The following OR10J1 variants were observed in gnomAD, a reference collection of about 807,000 sequenced individuals.
OR10J1 encodes the protein olfactory receptor 10J1.
For synonymous variants in OR10J1, 202 were observed against 143.8 expected (o/e 1.40, Z -2.89); for missense variants, 474 against 376.6 (o/e 1.26, Z -2.14).
chr1:159,400,076 A>G, the OR10J1 span, among the ~76,000 whole-genome samples: 18 of 152,264 alleles, frequency 1.2e-4, no homozygotes, highest in Non-Finnish European at 2.4e-4. Context: ...AGAAAAAATC[A>G]TCTTTACTAA....
the OR10J1 span, among the ~76,000 whole-genome samples, chr1:159,401,416 G>A: frequency 6.6e-6 from 1 of 151,848 alleles, no homozygotes; most frequent in African/African-American, 2.4e-5. Flanking sequence ...TGAAGAAGGT[G>A]GCATTGCAAC....
chr1:159,434,859 G>T (rs1655690728), upstream of OR10J1, among the ~76,000 whole-genome samples: 1 of 152,072 alleles, frequency 6.6e-6, no homozygotes, highest in African/African-American at 2.4e-5. Context: ...TGCTCCCTGG[G>T]TCACTCTGAG....
chr1:159,409,953 A>G, the OR10J1 span, among the ~76,000 whole-genome samples: 1 of 152,104 alleles, frequency 6.6e-6, no homozygotes, highest in Non-Finnish European at 1.5e-5. Flanking sequence ...CTATTGAGAT[A>G]ATCATGTGGT....
the OR10J1 span, among the ~76,000 whole-genome samples, chr1:159,400,359 T>C: frequency 7.9e-5 from 12 of 151,240 alleles, no homozygotes; most frequent in African/African-American, 2.9e-4. Flanking sequence ...ACACATAGAA[T>C]GAAAATAAAG....
chr1:159,412,486 G>A, the OR10J1 span, among the ~76,000 whole-genome samples: 2 of 147,506 alleles, frequency 1.4e-5, no homozygotes, highest in African/African-American at 5.2e-5. Context: ...TACCAAAACA[G>A]AGATATAGAT....
the OR10J1 span, among the ~76,000 whole-genome samples, chr1:159,412,303 C>A: frequency 4.0e-5 from 6 of 149,792 alleles, no homozygotes; most frequent in African/African-American, 1.3e-4. Flanking sequence ...CATCAAGCTA[C>A]CAATGACTTT....
chr1:159,410,105 T>G, the OR10J1 span, among the ~76,000 whole-genome samples: 1 of 152,182 alleles, frequency 6.6e-6, no homozygotes, highest in East Asian at 1.9e-4. Context: ...TTTGCCGGTA[T>G]TTTATTGAGG....
chr1:159,403,885 G>C, the OR10J1 span, among the ~76,000 whole-genome samples: 2 of 152,070 alleles, frequency 1.3e-5, no homozygotes, highest in African/African-American at 4.8e-5. Flanking sequence ...TAGATGAATG[G>C]ATAAAGAAAA....
At chr1:159,408,450 C>T in the OR10J1 span, among the ~76,000 whole-genome samples, 3 of 126,588 alleles carry the variant, frequency 2.4e-5, no homozygotes, top group African/African-American at 9.1e-5. Flanking sequence ...GAACATCACA[C>T]TCTGGGGACT....
the OR10J1 span, among the ~76,000 whole-genome samples, chr1:159,398,244 C>A: frequency 6.6e-6 from 1 of 152,186 alleles, no homozygotes; most frequent in South Asian, 2.1e-4. Flanking sequence ...CACCCAAGTC[C>A]TTTCAAATAT....
upstream of OR10J1, chr1:159,437,904 T>C (rs1655784750): frequency 6.5e-6 from 1 of 152,906 alleles, no homozygotes; most frequent in Admixed American, 6.5e-5. Flanking sequence ...GGTCCTGCCG[T>C]AGGCACTCTT....
chr1:159,412,403 A>C, the OR10J1 span, among the ~76,000 whole-genome samples: 1 of 151,216 alleles, frequency 6.6e-6, no homozygotes, highest in Non-Finnish European at 1.5e-5. Context: ...AAAAGAACAA[A>C]GCTGGAGGCA....
At chr1:159,439,600 T>C (rs936337516), upstream of OR10J1, 3 of 673,952 alleles carry the variant, frequency 4.5e-6, no homozygotes, top group Non-Finnish European at 7.5e-6. Flanking sequence ...TTATAACAGA[T>C]GGTCACAGAG....
At chr1:159,423,249 C>T in the OR10J1 span, among the ~76,000 whole-genome samples, 1 of 152,110 alleles carries the variant, frequency 6.6e-6, no homozygotes, top group African/African-American at 2.4e-5. Context: ...CAATATTTAC[C>T]CCATCCACTG....
chr1:159,406,283 A>G, the OR10J1 span: 1 of 526,078 alleles, frequency 1.9e-6, no homozygotes, highest in East Asian at 5.5e-5. Flanking sequence ...AAGACAACAA[A>G]GAAGACAAAT....
chr1:159,418,901 T>A, the OR10J1 span, among the ~76,000 whole-genome samples: 1 of 152,182 alleles, frequency 6.6e-6, no homozygotes, highest in Non-Finnish European at 1.5e-5. Flanking sequence ...ATGTGAGACA[T>A]TGAGTCAAAG....
upstream of OR10J1, among the ~76,000 whole-genome samples, chr1:159,436,006 C>G (rs1655727317): frequency 6.6e-6 from 1 of 152,090 alleles, no homozygotes; most frequent in Non-Finnish European, 1.5e-5. Context: ...ATTTGGAGGC[C>G]TATGTGAGAC....
rs1558010385 is a variant in OR10J1 at position 159,439,898 on chromosome 1, TCTTAAC to T, written c.112_117del (p.Thr38_Leu39del). 1.9e-6 allele frequency: 3 copies of T among 1,614,044 alleles called. No homozygotes were observed. In the South Asian group the frequency reaches 3.3e-5, roughly 18 times the overall value. ...TTTGGCGTGTTCCTTGCACTATACA[TCTTAAC>T]CTTAGCAGGCAATATCATCATTGTG... On this transcript the variant is annotated inframe_deletion, in exon 1 of 1. Coordinates refer to ENST00000423932, the MANE Select transcript of OR10J1 (RefSeq NM_012351.3).
the OR10J1 span, among the ~76,000 whole-genome samples, chr1:159,415,747 T>C: frequency 1.3e-5 from 2 of 152,026 alleles, no homozygotes; most frequent in African/African-American, 4.8e-5. Context: ...TTAATGATAT[T>C]AATTATTTTA....
Sources: gnomAD v4.1 joint callset for allele counts (sites outside exome capture counted in the v4.1 genomes callset) on GRCh38, gnomAD v4.1.1 for gene constraint, MANE v1.5 for transcripts, NCBI Gene and HGNC (gene_info 2026-07-23, HGNC 2026-07-21) for gene names.